The following SLC39A11 variants were observed in gnomAD, a reference collection of about 807,000 sequenced individuals.
The protein encoded by SLC39A11 is solute carrier family 39 member 11, also known as zinc transporter ZIP11.
A neutral mutation model predicts 36.1 loss-of-function variants in SLC39A11; 33 were observed. That is an observed-to-expected ratio of 0.91 (90% CI 0.69 to 1.22). The LOEUF (loss-of-function observed/expected upper bound fraction) is 1.22. Among genes scored for constraint, SLC39A11 ranks in the 50% most tolerant of loss-of-function variants. The probability of loss-of-function intolerance (pLI) is 0.00; values close to 1 mark genes in which losing one functional copy is unlikely to be tolerated. For missense variants in SLC39A11, 432 were observed against 430.3 expected (o/e 1.00, Z -0.03); for synonymous variants, 166 against 170.3 (o/e 0.97, Z 0.20).
At chr17:72,895,365 G>C (rs998564032) in intron 5 of SLC39A11, among the ~76,000 whole-genome samples, 1 of 152,068 alleles carries the variant, frequency 6.6e-6, no homozygotes, top group Non-Finnish European at 1.5e-5. Context: ...GATCACCTGA[G>C]GTCAAGAGTT....
At chr17:72,834,512 T>C (rs1277935051) in intron 6 of SLC39A11, among the ~76,000 whole-genome samples, 2 of 152,046 alleles carry the variant, frequency 1.3e-5, no homozygotes, top group Non-Finnish European at 2.9e-5. Context: ...ATTCCAGCTA[T>C]TGAGGAAGCT....
chr17:73,062,386 G>A (rs574194147), intron 3 of SLC39A11, among the ~76,000 whole-genome samples: 2 of 147,222 alleles, frequency 1.4e-5, no homozygotes, highest in African/African-American at 5.0e-5. Context: ...TTCCACTTGG[G>A]AGGCAGAGGA....
intron 3 of SLC39A11, among the ~76,000 whole-genome samples, chr17:73,058,861 C>A (rs1439932370): frequency 6.6e-6 from 1 of 151,980 alleles, no homozygotes; most frequent in Non-Finnish European, 1.5e-5. Context: ...ATTAATATAC[C>A]AAAAATGTGA....
intron 1 of SLC39A11, among the ~76,000 whole-genome samples, chr17:73,089,264 C>G (rs1020553221): frequency 6.6e-6 from 1 of 152,144 alleles, no homozygotes; most frequent in African/African-American, 2.4e-5. Flanking sequence ...ACCTGCCCAG[C>G]CAAAGGGTAA....
At chr17:72,695,328 C>T (rs1166254548) in intron 7 of SLC39A11, among the ~76,000 whole-genome samples, 1 of 152,226 alleles carries the variant, frequency 6.6e-6, no homozygotes, top group Non-Finnish European at 1.5e-5. Flanking sequence ...GACATGTCCA[C>T]ATGCATCTGC....
At chr17:72,882,797 C>CA (rs2081259894) in intron 5 of SLC39A11, among the ~76,000 whole-genome samples, 1 of 60,610 alleles carries the variant, frequency 1.6e-5, no homozygotes, top group East Asian at 9.0e-4. Flanking sequence ...GAGAATGCTT[C>CA]TTTTTTTTTT....
intron 3 of SLC39A11, among the ~76,000 whole-genome samples, chr17:73,083,318 C>T (rs962187605): frequency 2.0e-5 from 3 of 152,178 alleles, no homozygotes; most frequent in Non-Finnish European, 4.4e-5. Context: ...TCTCTGTGCA[C>T]CTGTGTATGG....
chr17:72,754,634 C>T (rs1035486062), intron 6 of SLC39A11, among the ~76,000 whole-genome samples: 7 of 152,072 alleles, frequency 4.6e-5, no homozygotes, highest in Non-Finnish European at 1.0e-4. Flanking sequence ...CCTTATGTGG[C>T]TCCCTCCTAA....
At chr17:72,699,540 G>A (rs2072503185) in intron 7 of SLC39A11, among the ~76,000 whole-genome samples, 2 of 152,188 alleles carry the variant, frequency 1.3e-5, no homozygotes. Context: ...ATGTGTGCTG[G>A]TCTATCCATT....
At chr17:72,898,557 T>C (rs563595236) in intron 5 of SLC39A11, among the ~76,000 whole-genome samples, 2 of 152,278 alleles carry the variant, frequency 1.3e-5, no homozygotes, top group Admixed American at 6.5e-5. Context: ...TCTGATTTCA[T>C]TGAAAACTCT....
At chr17:73,090,939 T>C (rs141073453) in intron 1 of SLC39A11, among the ~76,000 whole-genome samples, 185 of 152,288 alleles carry the variant, frequency 1.2e-3, no homozygotes, top group African/African-American at 3.6e-3. Flanking sequence ...CGGAGAAGTT[T>C]CTTCTCTATT....
intron 5 of SLC39A11, among the ~76,000 whole-genome samples, chr17:72,905,289 T>A (rs1299671452): frequency 6.7e-6 from 1 of 149,890 alleles, no homozygotes; most frequent in Non-Finnish European, 1.5e-5. Flanking sequence ...GTTTCCTATT[T>A]TTTTTTTTTT....
At chr17:72,806,490 C>A (rs761434259) in intron 6 of SLC39A11, among the ~76,000 whole-genome samples, 9 of 152,118 alleles carry the variant, frequency 5.9e-5, no homozygotes, top group Non-Finnish European at 1.0e-4. Context: ...ATCTTGGCAA[C>A]GGTCCCTTTT....
At chr17:72,875,912 G>A (rs979942526) in intron 5 of SLC39A11, among the ~76,000 whole-genome samples, 1 of 152,114 alleles carries the variant, frequency 6.6e-6, no homozygotes, top group African/African-American at 2.4e-5. Context: ...ACACTGCCAT[G>A]GCAACATCCT....
intron 5 of SLC39A11, among the ~76,000 whole-genome samples, chr17:72,915,667 G>C (rs1275662990): frequency 1.3e-5 from 2 of 152,198 alleles, no homozygotes; most frequent in African/African-American, 2.4e-5. Flanking sequence ...TCATATGCTA[G>C]CACCTTGGGA....
intron 4 of SLC39A11, among the ~76,000 whole-genome samples, chr17:72,968,980 G>A (rs1487075508): frequency 6.6e-6 from 1 of 151,908 alleles, no homozygotes; most frequent in Non-Finnish European, 1.5e-5. Flanking sequence ...TCTGATGCAC[G>A]TGCTCAGGTC....
At chr17:73,062,464 A>AT in intron 3 of SLC39A11, among the ~76,000 whole-genome samples, 1 of 139,226 alleles carries the variant, frequency 7.2e-6, no homozygotes, top group African/African-American at 2.6e-5. Context: ...CTTGTCTCAA[A>AT]AAAAAAAAAA....
At position 72,697,054 on chromosome 17, in the gene SLC39A11, C is replaced by T. The variant is rs144263259; in HGVS notation, c.671+39596G>A. The stretch of plus-strand genomic sequence containing the variant: ...CATAACACCAGACGTTTCATTTTCA[C>T]GGCTTTGCAAAATACTTTTACATAT... On this transcript the variant is annotated intron_variant, in intron 7 of 9. Transcript: ENST00000255559. Among the ~76,000 whole-genome samples, 315 of 152,330 alleles carry T rather than the reference C, an allele frequency of 2.1e-3. 3 individuals carry two copies. Among genetic ancestry groups the T allele is most frequent in the African/African-American group, 7.0e-3 (293 of 41,574 alleles).
At chr17:72,810,731 G>A (rs542842026) in intron 6 of SLC39A11, among the ~76,000 whole-genome samples, 1 of 151,986 alleles carries the variant, frequency 6.6e-6, no homozygotes, top group South Asian at 2.1e-4. Context: ...TGTTGCCCAG[G>A]CTGGAGTGCA....
Sources: gnomAD v4.1 joint callset for allele counts (sites outside exome capture counted in the v4.1 genomes callset) on GRCh38, gnomAD v4.1.1 for gene constraint, MANE v1.5 for transcripts, NCBI Gene and HGNC (gene_info 2026-07-23, HGNC 2026-07-21) for gene names.